The following TTYH2 variants were observed in gnomAD, a reference collection of about 807,000 sequenced individuals.
TTYH2 encodes tweety family member 2, also known as protein tweety homolog 2.
Under a neutral mutation model 68.3 loss-of-function variants are expected in TTYH2, and 49 were observed. That is an observed-to-expected ratio of 0.72 (90% CI 0.57 to 0.91). TTYH2 has a LOEUF of 0.91. Ranked by LOEUF, TTYH2 falls within the 40% of genes least tolerant of loss-of-function variation. The pLI, the probability that TTYH2 is intolerant of heterozygous loss-of-function variation, is 0.00. For synonymous variants in TTYH2, 272 were observed against 300.8 expected, an observed-to-expected ratio of 0.90 and a Z score of 0.99; for missense variants, 631 against 700.4, an observed-to-expected ratio of 0.90 and a Z score of 1.12.
intron 2 of TTYH2, among the ~76,000 whole-genome samples, chr17:74,228,037 G>A (rs2050349831): frequency 7.0e-6 from 1 of 143,018 alleles, no homozygotes; most frequent in Non-Finnish European, 1.5e-5. Flanking sequence ...AGGCTGGAGT[G>A]AAATGGTGCA....
At chr17:74,248,779 C>T in intron 6 of TTYH2, 1 of 1,412,038 alleles carries the variant, frequency 7.1e-7, no homozygotes, top group Non-Finnish European at 9.2e-7. Flanking sequence ...ATTATCATCT[C>T]CATGTCACAG....
rs2050455405 is a variant in TTYH2, at chr17:74,237,463, C to T, written c.584C>T (p.Thr195Ile). The part of the protein sequence containing the change: ...LSGLPVWREV[T>I]MELTKLSDQT... Reference sequence around the variant, plus strand: ...GGACTGCCCGTGTGGAGGGAGGTCACCATGGAGCTGACCAAGCTATCCGAC... The same window carrying T: ...GGACTGCCCGTGTGGAGGGAGGTCATCATGGAGCTGACCAAGCTATCCGAC... Residue 195 changes from threonine to isoleucine, a missense_variant, in exon 4 of 14, where the codon ACC becomes ATC. Transcript: ENST00000269346. 2 of 1,613,918 alleles carry T rather than the reference C, an allele frequency of 1.2e-6. No individual in the cohort carries two copies. Among genetic ancestry groups the T allele is most frequent in the South Asian group, 1.1e-5 (1 of 91,076 alleles).
rs199960092 is a variant in TTYH2, at chr17:74,241,262, CGTGTGTGTGTGTGTGTGTGTGT to C, written c.636-2098_636-2077del. Among the ~76,000 whole-genome samples the C allele has an allele frequency of 3.5e-5, 5 of 144,796 alleles. No homozygotes were observed. The highest frequency in any genetic ancestry group is 1.0e-4 in the African/African-American group (4 of 39,010). 95.0% of individuals were successfully genotyped at this position (144,796 alleles called of 152,430 possible). A position where few individuals can be genotyped will look rare whatever the true frequency, so the allele number is the denominator to read the frequency against. ...ATAGACAGACCCGGTATTTATAATA[CGTGTGTGTGTGTGTGTGTGTGT>C]GTGTGTGTGTGTGCGTGTAAAAATA... On this transcript the variant is annotated intron_variant, in intron 4 of 13. Transcript: ENST00000269346. This position sits in a 1 kb window ranked among gnomAD's most constrained non-coding sequence, Gnocchi z 4.1.
Position 74,241,297 on chromosome 17 carries a change from G to GCA in TTYH2, c.636-2076_636-2075insAC, listed in dbSNP as rs59658636. ...TGTGTGTGTGTGTGTGTGTGTGTGT[G>GCA]CGTGTAAAAATAAGAATGTGATCCA... On this transcript the variant is annotated intron_variant, in intron 4 of 13. Transcript: ENST00000269346. The surrounding 1 kb of genome is among the most constrained non-coding windows in gnomAD (Gnocchi z 4.1). Among the ~76,000 whole-genome samples, 4 of 148,926 alleles carry GCA rather than the reference G, an allele frequency of 2.7e-5. No individual in the cohort carries two copies. The highest frequency in any genetic ancestry group is 1.0e-4 in the African/African-American group (4 of 39,438).
At position 74,215,782 on chromosome 17, in the gene TTYH2, CAG is replaced by C. The variant is rs1372665792; in HGVS notation, c.129+2069_129+2070del. 1 of 1,449,808 alleles carries C rather than the reference CAG, an allele frequency of 6.9e-7. No homozygotes were observed. 89.8% of individuals were successfully genotyped at this position (1,449,808 alleles called of 1,614,324 possible). On this transcript the variant is annotated intron_variant, in intron 1 of 13. Coordinates refer to ENST00000269346, the MANE Select transcript of TTYH2 (RefSeq NM_032646.6). The surrounding 1 kb of genome is among the most constrained non-coding windows in gnomAD (Gnocchi z 4.3). ...TTTCCTCCTGAGCACCAGTCACTAACAGAGTCAGGTGGACCGTCGGTCATCCC... is the reference window on the plus strand; with the variant it reads ...TTTCCTCCTGAGCACCAGTCACTAACAGTCAGGTGGACCGTCGGTCATCCC...
chr17:74,224,829 G>A (rs577738944), intron 2 of TTYH2, among the ~76,000 whole-genome samples: 1 of 151,994 alleles, frequency 6.6e-6, no homozygotes, highest in African/African-American at 2.4e-5. Flanking sequence ...GTGAAACCCT[G>A]TCTCTACTAA....
chr17:74,215,734 A>G lies in TTYH2; in HGVS notation c.129+2018A>G, dbSNP rs569980138. Reference sequence around the variant, plus strand: ...TTTGGTAAGTTCCCCTGTTGTGACCACAGGTCTCTCCTGGATGTCTTCTTT... The same window carrying G: ...TTTGGTAAGTTCCCCTGTTGTGACCGCAGGTCTCTCCTGGATGTCTTCTTT... On this transcript the variant is annotated intron_variant, in intron 1 of 13. Coordinates refer to ENST00000269346, the MANE Select transcript of TTYH2 (RefSeq NM_032646.6). The surrounding 1 kb of genome is among the most constrained non-coding windows in gnomAD (Gnocchi z 4.3). The G allele has an allele frequency of 9.1e-6, 14 of 1,533,542 alleles. 1 individual carries two copies. The South Asian group carries it at 1.7e-4, about 18-fold the overall frequency. 95.0% of individuals were successfully genotyped at this position (1,533,542 alleles called of 1,614,324 possible).
In TTYH2 at chr17:74,239,289, T is replaced by C. The variant is rs1331774868; in HGVS notation, c.635+1775T>C. Among the ~76,000 whole-genome samples, 1 of 152,122 alleles carries C rather than the reference T, an allele frequency of 6.6e-6. No individual in the cohort carries two copies. The highest frequency in any genetic ancestry group is 1.5e-5 in the Non-Finnish European group (1 of 67,992). ...AGCCTTTGGAGGGCTCCCGGCTGAATGATGGCCTGGGCTTGTGCTCCCAGG... is the reference window on the plus strand; with the variant it reads ...AGCCTTTGGAGGGCTCCCGGCTGAACGATGGCCTGGGCTTGTGCTCCCAGG... On this transcript the variant is annotated intron_variant, in intron 4 of 13. Transcript: ENST00000269346. The surrounding 1 kb of genome is among the most constrained non-coding windows in gnomAD (Gnocchi z 5.3).
intron 7 of TTYH2, 61 bp from the exon 8 acceptor site, chr17:74,249,283 G>T: frequency 6.2e-7 from 1 of 1,610,398 alleles, no homozygotes; most frequent in South Asian, 1.1e-5. Flanking sequence ...GGCCACCAAG[G>T]ATGATAGAGA....
intron 2 of TTYH2, among the ~76,000 whole-genome samples, chr17:74,227,136 C>T (rs1019334107): frequency 2.6e-5 from 4 of 151,990 alleles, no homozygotes; most frequent in Non-Finnish European, 5.9e-5. Flanking sequence ...CACCATGCCC[C>T]GCTAATTTTT....
intron 2 of TTYH2, among the ~76,000 whole-genome samples, chr17:74,225,796 G>A (rs547855606): frequency 4.0e-4 from 61 of 152,336 alleles, no homozygotes; most frequent in African/African-American, 1.4e-3. Flanking sequence ...AGGGGAGCCC[G>A]AGACATTCCG....
chr17:74,248,986 C>T (rs757224905), intron 6 of TTYH2, 25 bp from the exon 7 acceptor site: 10 of 1,614,018 alleles, frequency 6.2e-6, no homozygotes, highest in Non-Finnish European at 7.6e-6. Context: ...TTTTCCTCCA[C>T]CCCGTCCCTC....
At chr17:74,255,181 G>C (rs191529440) in intron 13 of TTYH2, among the ~76,000 whole-genome samples, 1 of 152,252 alleles carries the variant, frequency 6.6e-6, no homozygotes, top group African/African-American at 2.4e-5. Flanking sequence ...CAAAGGCCTG[G>C]GTTCAAATCC....
chr17:74,244,037 C>T lies in TTYH2; in HGVS notation c.792C>T (p.Gly264=), dbSNP rs777554560. The T allele has an allele frequency of 1.1e-5, 17 of 1,611,802 alleles. No homozygotes were observed. The highest frequency in any genetic ancestry group is 6.7e-5 in the Admixed American group (4 of 59,996). ...GTTGGGCATCCCTGGCCGCTGATGG[C>T]TCTGCGGCAGTGGTGAGTTGGGGGA... The part of the protein sequence containing the change: ...LLSWASLAAD[G]SAAVATSDFC... Residue 264 remains glycine (G), a synonymous_variant, in exon 6 of 14, where the codon GGC becomes GGT. Transcript: ENST00000269346.
intron 2 of TTYH2, among the ~76,000 whole-genome samples, chr17:74,226,607 G>A (rs921027020): frequency 1.3e-5 from 2 of 152,188 alleles, no homozygotes; most frequent in African/African-American, 4.8e-5. Context: ...TGGAGGTAAA[G>A]GTTGGGGCAC....
intron 13 of TTYH2, among the ~76,000 whole-genome samples, chr17:74,254,919 C>T (rs2050677897): frequency 6.6e-6 from 1 of 152,170 alleles, no homozygotes; most frequent in Admixed American, 6.5e-5. Context: ...CTCAATCCGT[C>T]TCAGCTCCCC....
intron 6 of TTYH2, chr17:74,248,200 T>G: frequency 2.8e-5 from 25 of 900,816 alleles, no homozygotes; most frequent in South Asian, 5.1e-5. Context: ...CCAGAGGACC[T>G]GAGCTCTCCC....
In TTYH2 at chr17:74,239,825, G is replaced by A. The variant is rs1248163779; in HGVS notation, c.635+2311G>A. Among the ~76,000 whole-genome samples, 1 of 152,224 alleles carries A rather than the reference G, an allele frequency of 6.6e-6. No individual in the cohort carries two copies. The highest frequency in any genetic ancestry group is 1.9e-4 in the East Asian group (1 of 5,198). On this transcript the variant is annotated intron_variant, in intron 4 of 13. Transcript: ENST00000269346. The surrounding 1 kb of genome is among the most constrained non-coding windows in gnomAD (Gnocchi z 5.3). Reference sequence around the variant, plus strand: ...GACCTCCTGTGGCCCCAAAACAGGGGTGTCTGATGATTCTCCTGATGCATG... The same window carrying A: ...GACCTCCTGTGGCCCCAAAACAGGGATGTCTGATGATTCTCCTGATGCATG...
Position 74,222,789 on chromosome 17 carries a change from T to A in TTYH2, c.302+132T>A. On this transcript the variant is annotated intron_variant, in intron 2 of 13. Coordinates refer to ENST00000269346, the MANE Select transcript of TTYH2 (RefSeq NM_032646.6). This position sits in a 1 kb window ranked among gnomAD's most constrained non-coding sequence, Gnocchi z 5.2. ...CTTGTCCCCAGATGAATGTTGTCCC[T>A]TTTTTTTTTTTTACCAAGCATCAGG... The A allele has an allele frequency of 9.5e-6, 2 of 209,574 alleles. No homozygotes were observed. The highest frequency in any genetic ancestry group is 1.4e-5 in the Non-Finnish European group (2 of 139,354). 13.0% of individuals were successfully genotyped at this position (209,574 alleles called of 1,614,324 possible).
Sources: allele counts gnomAD v4.1 joint callset (sites outside exome capture counted in the v4.1 genomes callset), GRCh38; gene constraint gnomAD v4.1.1; non-coding constraint Gnocchi (gnomAD v3.1); transcripts MANE v1.5; gene names NCBI Gene and HGNC (gene_info 2026-07-23, HGNC 2026-07-21).